The following CDH12 variants were observed in gnomAD, a reference collection of about 807,000 sequenced individuals.
CDH12 encodes the protein cadherin 12.
In CDH12, 41 loss-of-function variants were observed where a neutral mutation model predicts 74.1. The observed-to-expected ratio is 0.55, with a 90% CI of 0.43 to 0.72. The LOEUF is 0.72. Among genes scored for constraint, CDH12 ranks in the 30% least tolerant of loss-of-function variants. The probability of loss-of-function intolerance (pLI) is 0.00; values close to 1 mark genes in which losing one functional copy is unlikely to be tolerated. For synonymous variants in CDH12, 399 were observed against 355.0 expected (o/e 1.12, Z -1.39); for missense variants, 945 against 977.2 (o/e 0.97, Z 0.44).
In CDH12 at chr5:21,887,206, T is replaced by A. The variant is rs181012709; in HGVS notation, c.527-32416A>T. On this transcript the variant is annotated intron_variant, in intron 6 of 14. Transcript: ENST00000382254. ...CCACTTTAGAATATCTCCCTGATGA[T>A]AATTCTTTGATACTCCTTCTTTTAT... 2.0e-5 allele frequency among the ~76,000 whole-genome samples: 3 copies of A among 152,318 alleles called. No individual in the cohort carries two copies. The East Asian group carries it at 5.8e-4, about 29-fold the overall frequency.
At chr5:22,032,802 T>G (rs1462385549) in intron 5 of CDH12, among the ~76,000 whole-genome samples, 1 of 148,330 alleles carries the variant, frequency 6.7e-6, no homozygotes, top group African/African-American at 2.5e-5. Flanking sequence ...TATATATATA[T>G]AGTGTGTATA....
At chr5:22,229,844 G>T (rs2150374201) in intron 3 of CDH12, among the ~76,000 whole-genome samples, 1 of 151,916 alleles carries the variant, frequency 6.6e-6, no homozygotes, top group Admixed American at 6.6e-5. Context: ...CAGAGTAGGT[G>T]ACCTTTTCTA....
intron 6 of CDH12, among the ~76,000 whole-genome samples, chr5:21,958,098 G>A (rs1430067799): frequency 6.6e-6 from 1 of 151,948 alleles, no homozygotes; most frequent in Admixed American, 6.6e-5. Context: ...TTTTATGAGG[G>A]GCTCTTCCCA....
At chr5:22,435,502 G>GTA (rs1744348288) in intron 2 of CDH12, among the ~76,000 whole-genome samples, 3 of 115,012 alleles carry the variant, frequency 2.6e-5, no homozygotes, top group African/African-American at 9.4e-5. Context: ...ATATATATGT[G>GTA]TGTGTGTGTG....
chr5:22,696,156 C>G (rs1169059498), intron 1 of CDH12, among the ~76,000 whole-genome samples: 1 of 151,984 alleles, frequency 6.6e-6, no homozygotes, highest in Non-Finnish European at 1.5e-5. Flanking sequence ...ATTGCAAGGT[C>G]AGGAGATCGA....
chr5:22,362,691 T>A (rs867302730), intron 3 of CDH12, among the ~76,000 whole-genome samples: 1,789 of 151,912 alleles, frequency 0.012, 36 homozygotes, highest in African/African-American at 0.04. Context: ...CAAATGTCCA[T>A]CAATGATAGA....
chr5:21,955,560 AGGATAT>A (rs1756058429), intron 6 of CDH12, among the ~76,000 whole-genome samples: 1 of 152,092 alleles, frequency 6.6e-6, no homozygotes, highest in Non-Finnish European at 1.5e-5. Flanking sequence ...CAGAGAGGTA[AGGATAT>A]AACCTTACCA....
At position 21,802,240 on chromosome 5, in the gene CDH12, C is replaced by T. The variant is rs1056676110; in HGVS notation, c.1183G>A (p.Glu395Lys). The T allele has an allele frequency of 6.2e-7, 1 of 1,613,772 alleles. No homozygotes were observed. Among genetic ancestry groups the T allele is most frequent in the Non-Finnish European group, 8.5e-7 (1 of 1,179,944 alleles). Residue 395 changes from glutamate (E) to lysine (K), a missense_variant, in exon 10 of 15, where the codon GAA (glutamate) becomes AAA (lysine). Physicochemically the swap from Glu to Lys is moderately conservative, Grantham distance 56 (BLOSUM62 1). Around this residue, in one of 3 missense-constraint regions of CDH12, gnomAD observed 791 missense variants for 792.8 expected, o/e 1.00. Coordinates refer to ENST00000382254, the MANE Select transcript of CDH12 (RefSeq NM_004061.5). ...ATGATGGTCCCTACCGGAGTGTCTTCATAAACCTCCATGGTGTAGAGCGGC... is the reference window on the plus strand; with the variant it reads ...ATGATGGTCCCTACCGGAGTGTCTTTATAAACCTCCATGGTGTAGAGCGGC... ...SKPLYTMEVY[E>K]DTPVGTIIGA...
At chr5:22,704,297 C>T (rs1742868566) in intron 1 of CDH12, among the ~76,000 whole-genome samples, 1 of 151,770 alleles carries the variant, frequency 6.6e-6, no homozygotes, top group African/African-American at 2.4e-5. Context: ...ACAGTGATGT[C>T]TAGCTAACAG....
At chr5:22,204,165 T>G (rs78132742) in intron 4 of CDH12, among the ~76,000 whole-genome samples, 2,125 of 146,848 alleles carry the variant, frequency 0.014, 50 homozygotes, top group African/African-American at 0.046. Context: ...TTTGTTTGTT[T>G]TTTTTTTTTT....
chr5:22,560,339 C>T (rs145918333), intron 1 of CDH12, among the ~76,000 whole-genome samples: 11 of 152,218 alleles, frequency 7.2e-5, no homozygotes, highest in African/African-American at 2.2e-4. Context: ...AGTGTATCCA[C>T]GCTGCGTGCT....
chr5:21,922,708 C>T (rs1354737913), intron 6 of CDH12, among the ~76,000 whole-genome samples: 1 of 152,084 alleles, frequency 6.6e-6, no homozygotes, highest in African/African-American at 2.4e-5. Context: ...ACCTGCAATT[C>T]ACCCTATTCC....
At chr5:22,395,460 T>A (rs1742414899) in intron 3 of CDH12, among the ~76,000 whole-genome samples, 1 of 152,132 alleles carries the variant, frequency 6.6e-6, no homozygotes, top group Non-Finnish European at 1.5e-5. Context: ...TTTAATAATG[T>A]GTTTGGGCAG....
At chr5:22,180,685 G>C (rs535873176) in intron 4 of CDH12, among the ~76,000 whole-genome samples, 1 of 151,800 alleles carries the variant, frequency 6.6e-6, no homozygotes, top group African/African-American at 2.4e-5. Flanking sequence ...GCTAACTTTA[G>C]AGACGGGGTT....
At chr5:22,117,153 A>G (rs1254876374) in intron 4 of CDH12, among the ~76,000 whole-genome samples, 1 of 151,200 alleles carries the variant, frequency 6.6e-6, no homozygotes, top group East Asian at 2.0e-4. Context: ...ACACAATGAA[A>G]GGTAACTCTA....
rs566851475 is a variant in CDH12 at position 22,710,986 on chromosome 5, T to A, written c.-523+142072A>T. Among the ~76,000 whole-genome samples the A allele has an allele frequency of 3.3e-5, 5 of 152,316 alleles. No homozygotes were observed. In the South Asian group the frequency reaches 1.0e-3, roughly 32 times the overall value. The stretch of plus-strand genomic sequence containing the variant: ...CTGGTCACTATGCCTCAAGTAGGAA[T>A]GTCTTGTGCCAATTAGACTATTAAT... On this transcript the variant is annotated intron_variant, in intron 1 of 14. Coordinates refer to ENST00000382254, the MANE Select transcript of CDH12 (RefSeq NM_004061.5).
At chr5:22,849,523 A>G (rs1737454365) in intron 1 of CDH12, among the ~76,000 whole-genome samples, 3 of 152,130 alleles carry the variant, frequency 2.0e-5, no homozygotes, top group African/African-American at 7.2e-5. Context: ...ATGTTTGACT[A>G]TGTATTTGGA....
chr5:21,852,719 T>A (rs1283998382), intron 7 of CDH12, among the ~76,000 whole-genome samples: 5 of 151,582 alleles, frequency 3.3e-5, no homozygotes, highest in Middle Eastern at 6.8e-3. Flanking sequence ...GAATTTATCA[T>A]TGTAATCCAG....
intron 2 of CDH12, among the ~76,000 whole-genome samples, chr5:22,487,966 C>A (rs1000194761): frequency 6.6e-5 from 10 of 152,142 alleles, no homozygotes; most frequent in African/African-American, 2.4e-4. Context: ...ATATAAATGT[C>A]AATTGGTTTT....
Sources: allele counts gnomAD v4.1 joint callset (sites outside exome capture counted in the v4.1 genomes callset), GRCh38; gene constraint gnomAD v4.1.1; regional missense constraint gnomAD v4.1.1; transcripts MANE v1.5; gene names NCBI Gene and HGNC (gene_info 2026-07-23, HGNC 2026-07-21).